FBXO42: variants seen among roughly 807,000 people sequenced by gnomAD.
FBXO42 encodes the protein F-box protein 42.
In FBXO42, 12 loss-of-function variants were observed where a neutral mutation model predicts 71.7. That is an observed-to-expected ratio of 0.17 (90% CI 0.11 to 0.27). The LOEUF is 0.27. FBXO42 is among the 10% of genes least tolerant of loss of function. FBXO42 has a pLI of 1.00. For synonymous variants in FBXO42, 325 were observed against 327.5 expected, an observed-to-expected ratio of 0.99 and a Z score of 0.08; for missense variants, 707 against 911.9, an observed-to-expected ratio of 0.78 and a Z score of 2.89.
At chr1:16,332,723 TAG>T (rs1211393963) in intron 1 of FBXO42, among the ~76,000 whole-genome samples, 1 of 152,092 alleles carries the variant, frequency 6.6e-6, no homozygotes, top group East Asian at 1.9e-4. Flanking sequence ...GTATTTTTAG[TAG>T]AGATACAGTT....
chr1:16,334,029 G>A (rs146184449), intron 1 of FBXO42, among the ~76,000 whole-genome samples: 537 of 152,274 alleles, frequency 3.5e-3, no homozygotes, highest in Middle Eastern at 0.014. Flanking sequence ...CCATTTCTAT[G>A]AAAATAAGTG....
At chr1:16,297,018 A>T (rs1278208725) in intron 3 of FBXO42, among the ~76,000 whole-genome samples, 1 of 145,694 alleles carries the variant, frequency 6.9e-6, no homozygotes, top group Non-Finnish European at 1.5e-5. Context: ...GGCTCACTGC[A>T]ACCTCCACCT....
At chr1:16,294,551 C>G in intron 4 of FBXO42, 2 of 495,096 alleles carry the variant, frequency 4.0e-6, no homozygotes, top group Middle Eastern at 1.1e-3. Flanking sequence ...TGAATTCACA[C>G]AGCAGTACAG....
chr1:16,348,514 T>C (rs2082672085), intron 1 of FBXO42, among the ~76,000 whole-genome samples: 1 of 151,812 alleles, frequency 6.6e-6, no homozygotes, highest in Non-Finnish European at 1.5e-5. Flanking sequence ...CTGGCCAATA[T>C]GGTGAAATCC....
chr1:16,319,767 C>T (rs1457679926), intron 1 of FBXO42, among the ~76,000 whole-genome samples: 4 of 151,794 alleles, frequency 2.6e-5, no homozygotes, highest in Admixed American at 6.6e-5. Flanking sequence ...AAAAATTAGC[C>T]GGGCATGGTG....
intron 6 of FBXO42, 77 bp downstream of exon 6, chr1:16,255,634 C>T: frequency 8.1e-7 from 1 of 1,241,778 alleles, no homozygotes; most frequent in Non-Finnish European, 1.1e-6. Flanking sequence ...GCACCTGGTC[C>T]CTAATTCACT....
At position 16,251,393 on chromosome 1, in the gene FBXO42, T is replaced by A. The variant is rs747142015; in HGVS notation, c.1431A>T (p.Lys477Asn). ...TPSAPEGYDL[K>N]IGLSLAPRRG... ...GTCGGGGGGCCAAAGAAAGTCCTAT[T>A]TTCAGGTCGTATCCTTCAGGAGCAG... Residue 477 changes from lysine (K) to asparagine (N), a missense_variant, in exon 10 of 10, where the codon AAA (lysine) becomes AAT (asparagine). Physicochemically the swap from Lys to Asn is moderately conservative, Grantham distance 94. Transcript: ENST00000375592. This position sits in a 1 kb window ranked among gnomAD's most constrained non-coding sequence, Gnocchi z 4.5. 2.7e-5 allele frequency: 44 copies of A among 1,613,988 alleles called. No individual in the cohort carries two copies. The highest frequency in any genetic ancestry group is 3.6e-5 in the Non-Finnish European group (43 of 1,179,966).
intron 2 of FBXO42, among the ~76,000 whole-genome samples, chr1:16,311,501 AAAAT>A (rs1425969246): frequency 3.5e-4 from 22 of 62,350 alleles, no homozygotes; most frequent in East Asian, 1.5e-3. Context: ...AAAAAAAAAA[AAAAT>A]ATATATATAT....
In FBXO42 at chr1:16,255,753, T is replaced by G. The variant is rs1355269104; in HGVS notation, c.725A>C (p.Asp242Ala). 7 of 1,614,018 alleles carry G rather than the reference T, an allele frequency of 4.3e-6. No individual in the cohort carries two copies. Among genetic ancestry groups the G allele is most frequent in the Non-Finnish European group, 1.7e-6 (2 of 1,180,012 alleles). ...AGAGCCACCAAAGACAATCATTTTA[T>G]CATCTATCACACAGGAGGAGTGGCC... ...MAGHSSCVID[D>A]KMIVFGGSLG... The change falls in exon 6 of 10, where the codon GAT becomes GCT. Residue 242 changes from aspartate to alanine, a missense_variant. Transcript: ENST00000375592.
intron 4 of FBXO42, among the ~76,000 whole-genome samples, chr1:16,265,083 G>A (rs1351180528): frequency 1.3e-5 from 2 of 152,062 alleles, no homozygotes; most frequent in East Asian, 1.9e-4. Context: ...TTTTATGCAC[G>A]ATTTAAAAAT....
At chr1:16,270,707 G>GA (rs774036333) in intron 4 of FBXO42, among the ~76,000 whole-genome samples, 1 of 6,324 alleles carries the variant, frequency 1.6e-4, no homozygotes, top group Non-Finnish European at 2.7e-4. Flanking sequence ...GAAAAGAAAA[G>GA]AAAGAAGAAA....
At chr1:16,296,649 C>CAAAA (rs58537213) in intron 3 of FBXO42, among the ~76,000 whole-genome samples, 5 of 91,340 alleles carry the variant, frequency 5.5e-5, no homozygotes, top group African/African-American at 7.8e-5. Context: ...GACTCCATCT[C>CAAAA]AAAAAAAAAA....
At chr1:16,347,785 C>T (rs1029035789) in intron 1 of FBXO42, among the ~76,000 whole-genome samples, 56 of 152,018 alleles carry the variant, frequency 3.7e-4, no homozygotes, top group African/African-American at 1.7e-4. Flanking sequence ...GTCTGGAAAT[C>T]GAGACAATCC....
intron 4 of FBXO42, chr1:16,293,520 C>G (rs935585382): frequency 1.3e-5 from 2 of 152,170 alleles, no homozygotes; most frequent in Non-Finnish European, 2.9e-5. Context: ...AGCTCCTCCT[C>G]CTGGTGTGGC....
At chr1:16,347,895 A>G (rs2082665113) in intron 1 of FBXO42, among the ~76,000 whole-genome samples, 1 of 151,428 alleles carries the variant, frequency 6.6e-6, no homozygotes, top group Non-Finnish European at 1.5e-5. Flanking sequence ...AGGCTGAGGC[A>G]GGAGAATGGC....
chr1:16,259,575 C>A (rs1569816081), intron 4 of FBXO42, among the ~76,000 whole-genome samples: 1 of 151,972 alleles, frequency 6.6e-6, no homozygotes, highest in Non-Finnish European at 1.5e-5. Context: ...ACCAGTCTGG[C>A]CAACATGGTG....
Position 16,249,444 on chromosome 1 carries a change from AGAGG to A in FBXO42, c.*1222_*1225del, listed in dbSNP as rs1169929285. On this transcript the variant is annotated 3_prime_UTR_variant, in exon 10 of 10. Coordinates refer to ENST00000375592, the MANE Select transcript of FBXO42 (RefSeq NM_018994.3). The stretch of plus-strand genomic sequence containing the variant: ...CTCCATCACCTGCCAATAGCCAGGA[AGAGG>A]AATATATGTCACCACAAGGAAAAAA... 4 of 152,250 alleles carry A rather than the reference AGAGG, an allele frequency of 2.6e-5. No homozygotes were observed. The highest frequency in any genetic ancestry group is 2.9e-5 in the Non-Finnish European group (2 of 68,036). 9.4% of individuals were successfully genotyped at this position (152,250 alleles called of 1,614,324 possible). A position where few individuals can be genotyped will look rare whatever the true frequency, so the allele number is the denominator to read the frequency against.
chr1:16,316,730 CAAAAA>C (rs71003274), intron 1 of FBXO42, among the ~76,000 whole-genome samples: 1 of 51,582 alleles, frequency 1.9e-5, no homozygotes, highest in Non-Finnish European at 3.4e-5. Flanking sequence ...GAAAGACTCT[CAAAAA>C]AAAAAAAAAA....
chr1:16,278,226 CATGCCTG>C (rs1160966601), intron 4 of FBXO42, among the ~76,000 whole-genome samples: 1 of 149,588 alleles, frequency 6.7e-6, no homozygotes, highest in Non-Finnish European at 1.5e-5. Flanking sequence ...TATGGTGGCA[CATGCCTG>C]TAATCCCAGC....
Sources: gnomAD v4.1 joint callset for allele counts (sites outside exome capture counted in the v4.1 genomes callset) on GRCh38, gnomAD v4.1.1 for gene constraint, Gnocchi (gnomAD v3.1) non-coding constraint, MANE v1.5 for transcripts, NCBI Gene and HGNC (gene_info 2026-07-23, HGNC 2026-07-21) for gene names.